The following EMC2 variants were observed in gnomAD, a reference collection of about 807,000 sequenced individuals.
EMC2 encodes ER membrane protein complex subunit 2.
Under a neutral mutation model 51.6 loss-of-function variants are expected in EMC2, and 37 were observed. The ratio of observed to expected loss-of-function variants is 0.72; its 90% CI spans 0.55 to 0.94. The LOEUF is 0.94. Ranked by LOEUF, EMC2 falls within the 40% of genes least tolerant of loss-of-function variation. The pLI, the probability that EMC2 is intolerant of heterozygous loss-of-function variation, is 0.00. For missense variants in EMC2, 359 were observed against 350.9 expected (o/e 1.02, Z -0.18); for synonymous variants, 131 against 112.4 (o/e 1.17, Z -1.04).
At chr8:108,469,662 C>A (rs1479051279) in intron 5 of EMC2, among the ~76,000 whole-genome samples, 164 bp from the exon 6 acceptor site, 1 of 152,030 alleles carries the variant, frequency 6.6e-6, no homozygotes, top group East Asian at 1.9e-4. Context: ...GTTTGAATTC[C>A]CCAGTGGGAT....
At chr8:108,460,843 T>C (rs1819301796) in intron 5 of EMC2, among the ~76,000 whole-genome samples, 1 of 152,232 alleles carries the variant, frequency 6.6e-6, no homozygotes, top group Non-Finnish European at 1.5e-5. Flanking sequence ...CTAAATGTAT[T>C]ATTCTTGTAT....
chr8:108,478,640 GAAAT>G (rs1358770742), intron 9 of EMC2, among the ~76,000 whole-genome samples: 23 of 151,962 alleles, frequency 1.5e-4, no homozygotes, highest in Non-Finnish European at 1.6e-4. Flanking sequence ...TCAGTAATAA[GAAAT>G]AACACCAGTA....
intron 4 of EMC2, among the ~76,000 whole-genome samples, chr8:108,455,077 T>TG: frequency 6.6e-6 from 1 of 151,660 alleles, no homozygotes; most frequent in South Asian, 2.1e-4. Flanking sequence ...TTCTGCTTGA[T>TG]GTTCTTAGAG....
At chr8:108,462,077 G>T (rs779264891) in intron 5 of EMC2, among the ~76,000 whole-genome samples, 2 of 152,182 alleles carry the variant, frequency 1.3e-5, no homozygotes, top group African/African-American at 4.8e-5. Flanking sequence ...AAAGTGCTGG[G>T]ATTATAGGCA....
chr8:108,476,114 T>A (rs1586191430), intron 8 of EMC2, 151 bp downstream of exon 8: 1 of 490,130 alleles, frequency 2.0e-6, no homozygotes, highest in Non-Finnish European at 3.6e-6. Context: ...AAGTTTAAAA[T>A]TTTTAACATT....
chr8:108,449,571 C>G (rs1818965997), intron 1 of EMC2, among the ~76,000 whole-genome samples: 1 of 152,142 alleles, frequency 6.6e-6, no homozygotes, highest in Non-Finnish European at 1.5e-5. Flanking sequence ...CGTGCCTGGC[C>G]CATTCATCAC....
At position 108,487,482 on chromosome 8, in the gene EMC2, TAAAC is replaced by T. The variant is rs1434620098; in HGVS notation, c.*887_*890del. ...ATTTTTTATTTTTCTCTTTTCATAA[TAAAC>T]AACCATTATGCTACCTTCAACAGTA... is the stretch of plus-strand genomic sequence containing the variant. On this transcript the variant is annotated 3_prime_UTR_variant, in exon 11 of 11. Transcript: ENST00000220853. Among the ~76,000 whole-genome samples the T allele has an allele frequency of 1.3e-5, 2 of 151,972 alleles. No homozygotes were observed. The highest frequency in any genetic ancestry group is 2.9e-5 in the Non-Finnish European group (2 of 67,950).
intron 2 of EMC2, 33 bp downstream of exon 2, chr8:108,449,969 A>T: frequency 1.2e-6 from 1 of 840,094 alleles, no homozygotes; most frequent in South Asian, 1.9e-5. Context: ...GGCTCAGTAC[A>T]TGCCTCATTC....
At chr8:108,458,493 A>G (rs944374231) in intron 5 of EMC2, among the ~76,000 whole-genome samples, 14 of 152,098 alleles carry the variant, frequency 9.2e-5, no homozygotes, top group African/African-American at 3.4e-4. Flanking sequence ...GGGGTTCCTA[A>G]ACCTCAATTC....
chr8:108,451,156 T>C (rs1160746745), intron 3 of EMC2, among the ~76,000 whole-genome samples: 2 of 152,022 alleles, frequency 1.3e-5, no homozygotes, highest in African/African-American at 4.8e-5. Context: ...TGAGCTGAGA[T>C]TGTGCCACTG....
intron 5 of EMC2, among the ~76,000 whole-genome samples, chr8:108,466,597 G>A (rs562738541): frequency 5.3e-5 from 8 of 151,804 alleles, no homozygotes; most frequent in South Asian, 2.1e-4. Flanking sequence ...TACTACAGGC[G>A]TGTACCACCA....
intron 5 of EMC2, among the ~76,000 whole-genome samples, chr8:108,459,356 T>C (rs1404519071): frequency 6.6e-6 from 1 of 152,182 alleles, no homozygotes; most frequent in Non-Finnish European, 1.5e-5. Flanking sequence ...TCGGTTTTCA[T>C]GCTACTGATA....
intron 10 of EMC2, among the ~76,000 whole-genome samples, chr8:108,480,689 C>A (rs1284908237): frequency 6.6e-6 from 1 of 152,154 alleles, no homozygotes; most frequent in East Asian, 1.9e-4. Flanking sequence ...CTCCTTTCCT[C>A]ACCCCTCCTT....
rs755460236 is a variant in EMC2 at position 108,469,844 on chromosome 8, A to G, written c.382A>G (p.Ile128Val). 7 of 1,613,446 alleles carry G rather than the reference A, an allele frequency of 4.3e-6. No homozygotes were observed. The South Asian group carries it at 6.6e-5, about 15-fold the overall frequency. ...PTNTAARKRK[I>V]AIRKAQGKNV... ...CCCACAGGCTGCAAGAAAGCGTAAGATTGCCATTCGAAAAGCCCAGGGGAA... is the reference window on the plus strand; with the variant it reads ...CCCACAGGCTGCAAGAAAGCGTAAGGTTGCCATTCGAAAAGCCCAGGGGAA... The change falls in exon 6 of 11, where the codon ATT (isoleucine) becomes GTT (valine). Residue 128 changes from isoleucine (I) to valine (V), a missense_variant. Physicochemically the swap from Ile to Val is conservative, Grantham distance 29. Coordinates refer to ENST00000220853, the MANE Select transcript of EMC2 (RefSeq NM_014673.5).
chr8:108,450,620 G>T, intron 3 of EMC2, 128 bp downstream of exon 3: 1 of 666,330 alleles, frequency 1.5e-6, no homozygotes, highest in Non-Finnish European at 2.7e-6. Context: ...AACAGTAAGT[G>T]GAACTAACTA....
At chr8:108,459,721 A>AGAGAGAGAGAGTGTGTGTGT (rs763020311) in intron 5 of EMC2, among the ~76,000 whole-genome samples, 9 of 136,878 alleles carry the variant, frequency 6.6e-5, no homozygotes, top group African/African-American at 8.9e-5. Context: ...AGAGAGAGAG[A>AGAGAGAGAGAGTGTGTGTGT]GTGTGTGTGT....
chr8:108,453,200 T>G (rs1014445161), intron 4 of EMC2, 53 bp downstream of exon 4: 34 of 1,075,670 alleles, frequency 3.2e-5, no homozygotes, highest in East Asian at 5.1e-5. Flanking sequence ...CATGGTGGTG[T>G]TAATTTTTTT....
chr8:108,473,543 G>A (rs1366094127), intron 7 of EMC2, among the ~76,000 whole-genome samples: 1 of 151,964 alleles, frequency 6.6e-6, no homozygotes, highest in Non-Finnish European at 1.5e-5. Context: ...CATTATGAAA[G>A]ACAAATTTTT....
intron 9 of EMC2, among the ~76,000 whole-genome samples, 158 bp from the exon 10 acceptor site, chr8:108,478,848 T>C (rs2130408014): frequency 6.6e-6 from 1 of 152,088 alleles, no homozygotes; most frequent in African/African-American, 2.4e-5. Context: ...TTTTCATTTT[T>C]AAGCACTAAT....
Sources: allele counts gnomAD v4.1 joint callset (sites outside exome capture counted in the v4.1 genomes callset), GRCh38; gene constraint gnomAD v4.1.1; transcripts MANE v1.5; gene names NCBI Gene and HGNC (gene_info 2026-07-23, HGNC 2026-07-21).